RORA: variants seen among roughly 807,000 people sequenced by gnomAD.
RORA encodes the protein RAR related orphan receptor A, also known as nuclear receptor ROR-alpha.
RORA carries 7 observed loss-of-function variants against 69.5 expected under a neutral mutation model. That is an observed-to-expected ratio of 0.10 (90% CI 0.06 to 0.19). The LOEUF (loss-of-function observed/expected upper bound fraction) is 0.19, where lower values mean the gene tolerates loss of function less well. Among genes scored for constraint, RORA ranks in the 10% least tolerant of loss-of-function variants. The probability of loss-of-function intolerance (pLI) is 1.00; values close to 1 mark genes in which losing one functional copy is unlikely to be tolerated. For synonymous variants in RORA, 261 were observed against 240.8 expected (o/e 1.08, Z -0.78); for missense variants, 457 against 663.0 (o/e 0.69, Z 3.41).
chr15:60,854,590 G>T (rs1177696452), intron 1 of RORA, among the ~76,000 whole-genome samples: 2 of 152,154 alleles, frequency 1.3e-5, no homozygotes, highest in Non-Finnish European at 2.9e-5. Flanking sequence ...GCTGAATATG[G>T]CCTTTAGTAG....
At chr15:60,610,009 G>A (rs929392731) in intron 2 of RORA, among the ~76,000 whole-genome samples, 6 of 152,142 alleles carry the variant, frequency 3.9e-5, no homozygotes, top group African/African-American at 7.2e-5. Flanking sequence ...ATTGCAGCTC[G>A]AGAGAGCCGT....
rs376792836 is a variant in RORA at position 60,992,354 on chromosome 15, G to A, written c.166+236699C>T. 2.0e-4 allele frequency among the ~76,000 whole-genome samples: 30 copies of A among 151,718 alleles called. No homozygotes were observed. In the East Asian group the frequency reaches 2.9e-3, roughly 15 times the overall value. ...GATTTTAAGAAACACTGGCACTTAC[G>A]GAGGGAAATCTAGGTACTTGTATTT... On this transcript the variant is annotated intron_variant, in intron 1 of 10. Transcript: ENST00000335670.
chr15:60,794,907 C>G (rs1487167863), intron 1 of RORA, among the ~76,000 whole-genome samples: 1 of 152,176 alleles, frequency 6.6e-6, no homozygotes, highest in Admixed American at 6.5e-5. Flanking sequence ...GTCCTTCAAC[C>G]ACACAAATGT....
chr15:60,975,663 C>G (rs1006215685), intron 1 of RORA, among the ~76,000 whole-genome samples: 22 of 152,096 alleles, frequency 1.4e-4, no homozygotes, highest in Admixed American at 5.2e-4. Flanking sequence ...CCACTTCTCT[C>G]CAGGAAGTGA....
chr15:60,945,380 T>C (rs1595835642), intron 1 of RORA, among the ~76,000 whole-genome samples: 1 of 152,188 alleles, frequency 6.6e-6, no homozygotes, highest in African/African-American at 2.4e-5. Flanking sequence ...CTGGCCAGCA[T>C]ACCAGGTTGG....
At chr15:61,068,907 T>C (rs949508225) in intron 1 of RORA, among the ~76,000 whole-genome samples, 2 of 152,236 alleles carry the variant, frequency 1.3e-5, no homozygotes, top group African/African-American at 4.8e-5. Flanking sequence ...GGAAAACCAC[T>C]GAAAGCAATT....
At chr15:61,047,196 G>A (rs992540961) in intron 1 of RORA, among the ~76,000 whole-genome samples, 18 of 152,326 alleles carry the variant, frequency 1.2e-4, no homozygotes, top group Admixed American at 2.0e-4. Flanking sequence ...GGTTCTGACC[G>A]TCCTTATGCC....
intron 2 of RORA, among the ~76,000 whole-genome samples, chr15:60,548,847 G>A (rs551336889): frequency 2.7e-4 from 41 of 152,070 alleles, no homozygotes; most frequent in Non-Finnish European, 4.9e-4. Flanking sequence ...CCGTGGTCTC[G>A]ATCTCCTGAC....
At chr15:60,743,661 G>T (rs1320939629) in intron 1 of RORA, among the ~76,000 whole-genome samples, 3 of 152,196 alleles carry the variant, frequency 2.0e-5, no homozygotes, top group Admixed American at 1.3e-4. Context: ...CATGGTGAGT[G>T]GATCTGCCAA....
intron 1 of RORA, among the ~76,000 whole-genome samples, chr15:60,880,643 C>G (rs1488169988): frequency 2.6e-5 from 4 of 152,038 alleles, no homozygotes; most frequent in Non-Finnish European, 5.9e-5. Context: ...CAAAAAAAAA[C>G]CAATGAATTT....
chr15:60,904,275 T>C (rs531209652), intron 1 of RORA, among the ~76,000 whole-genome samples: 22 of 152,354 alleles, frequency 1.4e-4, no homozygotes, highest in African/African-American at 2.6e-4. Flanking sequence ...GAGCTTCAGA[T>C]ACATGGTGTT....
chr15:60,671,086 A>ATATATATATATATATATC (rs2070459248), intron 2 of RORA, among the ~76,000 whole-genome samples: 1 of 144,650 alleles, frequency 6.9e-6, no homozygotes, highest in African/African-American at 2.7e-5. Context: ...ATATATATAT[A>ATATATATATATATATATC]TATATATATA....
chr15:61,198,609 C>T (rs764827873), intron 1 of RORA, among the ~76,000 whole-genome samples: 25 of 126,114 alleles, frequency 2.0e-4, no homozygotes, highest in South Asian at 6.0e-4. Context: ...AATTCTAAAA[C>T]GATATTTCTT....
chr15:60,731,716 T>G (rs2071430606), intron 1 of RORA, among the ~76,000 whole-genome samples: 1 of 152,210 alleles, frequency 6.6e-6, no homozygotes, highest in African/African-American at 2.4e-5. Flanking sequence ...ATTGTGGCAT[T>G]CTTGGTACTC....
At chr15:61,080,700 G>A (rs1448660685) in intron 1 of RORA, among the ~76,000 whole-genome samples, 6 of 152,186 alleles carry the variant, frequency 3.9e-5, no homozygotes, top group Admixed American at 6.5e-5. Context: ...TATAGAGTAC[G>A]TTACATGGCT....
intron 1 of RORA, among the ~76,000 whole-genome samples, chr15:61,035,210 C>A (rs532343366): frequency 6.6e-6 from 1 of 152,260 alleles, no homozygotes; most frequent in African/African-American, 2.4e-5. Context: ...TACTTTATTA[C>A]ATCTGCTTCT....
At chr15:60,772,135 G>C (rs549712456) in intron 1 of RORA, among the ~76,000 whole-genome samples, 1 of 151,976 alleles carries the variant, frequency 6.6e-6, no homozygotes, top group African/African-American at 2.4e-5. Context: ...GTATACATGT[G>C]CCATGTTGGT....
chr15:60,778,934 C>A (rs1042189886), intron 1 of RORA, among the ~76,000 whole-genome samples: 2 of 152,042 alleles, frequency 1.3e-5, no homozygotes, highest in African/African-American at 4.8e-5. Flanking sequence ...AGACACACCC[C>A]AGAACTCAAA....
At chr15:61,211,223 T>C (rs1019694169) in intron 1 of RORA, among the ~76,000 whole-genome samples, 3 of 150,808 alleles carry the variant, frequency 2.0e-5, no homozygotes, top group African/African-American at 7.3e-5. Flanking sequence ...CTGAACAGGG[T>C]CTGAGTGTAT....
Sources: allele counts gnomAD v4.1 joint callset (sites outside exome capture counted in the v4.1 genomes callset), GRCh38; gene constraint gnomAD v4.1.1; transcripts MANE v1.5; gene names NCBI Gene and HGNC (gene_info 2026-07-23, HGNC 2026-07-21).